The following SUPT6H variants were observed in gnomAD, a reference collection of about 807,000 sequenced individuals.
SUPT6H encodes transcription elongation factor SPT6.
A neutral mutation model predicts 222.3 loss-of-function variants in SUPT6H; 11 were observed. The ratio of observed to expected loss-of-function variants is 0.05; its 90% confidence interval spans 0.03 to 0.08. The LOEUF (loss-of-function observed/expected upper bound fraction) is 0.08, where lower values mean the gene tolerates loss of function less well. Among genes scored for constraint, SUPT6H ranks in the 10% least tolerant of loss-of-function variants. SUPT6H has a pLI of 1.00. For synonymous variants in SUPT6H, 762 were observed against 801.2 expected, an observed-to-expected ratio of 0.95 and a Z score of 0.83; for missense variants, 1,422 against 2,216.0, an observed-to-expected ratio of 0.64 and a Z score of 7.19.
chr17:28,667,407 A>ATATATATATG lies in SUPT6H; in HGVS notation c.-32+5074_-32+5075insGTATATATAT. 2.7e-5 allele frequency among the ~76,000 whole-genome samples: 2 copies of ATATATATATG among 75,346 alleles called. 1 individual carries two copies. Among genetic ancestry groups the ATATATATATG allele is most frequent in the South Asian group, 8.7e-4 (2 of 2,306 alleles). The allele number at this position is 75,346 out of a possible 152,430, so 49.4% of individuals were successfully genotyped here. On this transcript the variant is annotated intron_variant, in intron 1 of 36. Transcript: ENST00000314616. ...AAAAAAAAAAAAAGTGTGTGTGTGTATATATATATATATATATATATATAT... is the reference window on the plus strand; with the variant it reads ...AAAAAAAAAAAAAGTGTGTGTGTGTATATATATATGTATATATATATATATATATATATAT...
chr17:28,665,204 A>G (rs940216533), intron 1 of SUPT6H, among the ~76,000 whole-genome samples: 25 of 152,160 alleles, frequency 1.6e-4, no homozygotes, highest in African/African-American at 6.0e-4. Flanking sequence ...GCCTCAGGAC[A>G]TCACCTATTA....
chr17:28,665,364 A>G (rs1410667247), intron 1 of SUPT6H, among the ~76,000 whole-genome samples: 1 of 152,202 alleles, frequency 6.6e-6, no homozygotes, highest in Admixed American at 6.5e-5. Flanking sequence ...AGCAAGGTTT[A>G]TTTTATTTGT....
chr17:28,693,613 TACA>T, intron 27 of SUPT6H, 80 bp from the exon 28 acceptor site: 1 of 1,536,240 alleles, frequency 6.5e-7, no homozygotes. Flanking sequence ...TAAAAGAAAT[TACA>T]ACACCTCTGG....
chr17:28,699,739 T>G (rs1597722833), intron 32 of SUPT6H, 42 bp from the exon 33 acceptor site: 1 of 1,549,988 alleles, frequency 6.5e-7, no homozygotes, highest in Non-Finnish European at 8.9e-7. Context: ...TTGTGGTGGG[T>G]CCCAAGTGGT....
At chr17:28,700,041 G>T in intron 33 of SUPT6H, 132 bp from the exon 34 acceptor site, 2 of 1,434,530 alleles carry the variant, frequency 1.4e-6, no homozygotes, top group South Asian at 1.2e-5. Flanking sequence ...GCACCAGGAA[G>T]GTTCTCCATC....
chr17:28,677,963 A>G, intron 8 of SUPT6H, 113 bp from the exon 9 acceptor site: 2 of 1,359,704 alleles, frequency 1.5e-6, no homozygotes, highest in South Asian at 1.3e-5. Context: ...TGTATATGAG[A>G]AAAATTTTTT....
intron 33 of SUPT6H, 134 bp downstream of exon 33, chr17:28,700,027 C>T: frequency 2.9e-6 from 4 of 1,398,504 alleles, no homozygotes; most frequent in Non-Finnish European, 4.0e-6. Context: ...CCTGCAGCCT[C>T]CCAGCACCAG....
At chr17:28,684,484 C>T (rs1358252883) in intron 17 of SUPT6H, 102 bp from the exon 18 acceptor site, 2 of 1,385,422 alleles carry the variant, frequency 1.4e-6, no homozygotes, top group African/African-American at 2.8e-5. Context: ...GAGTACACAC[C>T]CTCGCACATG....
intron 29 of SUPT6H, 122 bp downstream of exon 29, chr17:28,695,669 G>A: frequency 8.7e-7 from 1 of 1,150,826 alleles, no homozygotes; most frequent in Non-Finnish European, 1.2e-6. Flanking sequence ...CAGCTTTGAG[G>A]TGCTAAGGCC....
chr17:28,688,112 C>T lies in SUPT6H; in HGVS notation c.3028C>T (p.Arg1010Trp), dbSNP rs757119341. 18 of 1,612,830 alleles carry T rather than the reference C, an allele frequency of 1.1e-5. No homozygotes were observed. Among genetic ancestry groups the T allele is most frequent in the African/African-American group, 2.7e-5 (2 of 74,818 alleles). ...LLKILKQNNT[R>W]LESRTQLVTM... ...CCAGATCCTGAAGCAGAACAACACC[C>T]GGCTCGAGAGCCGGACCCAGCTGGT... The change falls in exon 24 of 37, where the codon CGG (arginine) becomes TGG (tryptophan). Residue 1010 changes from arginine to tryptophan, a missense_variant. This residue lies in a region of SUPT6H where 294 missense variants were observed against 382.1 expected (regional missense o/e 0.77). Transcript: ENST00000314616. The surrounding 1 kb of genome is among the most constrained non-coding windows in gnomAD (Gnocchi z 4.3).
Position 28,674,413 on chromosome 17 carries a change from T to C in SUPT6H, c.240T>C (p.Asp80=). 1 of 1,613,744 alleles carries C rather than the reference T, an allele frequency of 6.2e-7. No homozygotes were observed. The highest frequency in any genetic ancestry group is 1.1e-5 in the South Asian group (1 of 91,040). Residue 80 remains aspartate, a synonymous_variant, in exon 3 of 37, where the codon GAT becomes GAC. Coordinates refer to ENST00000314616, the MANE Select transcript of SUPT6H (RefSeq NM_003170.5). The part of the protein sequence containing the change: ...DEGSDSGDSE[D]DVGHKKRKRT... ...GCAGTGACTCTGGTGATTCAGAAGA[T>C]GATGTTGGCCACAAGAAGAGAAAAC... is the stretch of plus-strand genomic sequence containing the variant.
At chr17:28,677,907 G>T (rs1389410284) in intron 8 of SUPT6H, 91 bp downstream of exon 8, 3 of 1,359,966 alleles carry the variant, frequency 2.2e-6, no homozygotes, top group Non-Finnish European at 3.1e-6. Context: ...ATACATCCGT[G>T]TGCCTGGTAT....
chr17:28,676,461 C>T, intron 7 of SUPT6H, 31 bp downstream of exon 7: 1 of 1,611,438 alleles, frequency 6.2e-7, no homozygotes, highest in African/African-American at 1.3e-5. Flanking sequence ...GCTCTTCTAC[C>T]AATCCATAAT....
At chr17:28,686,195 T>C (rs1037290038) in intron 19 of SUPT6H, 144 bp from the exon 20 acceptor site, 21 of 704,212 alleles carry the variant, frequency 3.0e-5, no homozygotes, top group Admixed American at 5.5e-5. Flanking sequence ...CAGGAAGAGG[T>C]GGGAATAGTT....
At chr17:28,680,448 A>G (rs1262830778) in intron 11 of SUPT6H, among the ~76,000 whole-genome samples, 1 of 151,606 alleles carries the variant, frequency 6.6e-6, no homozygotes, top group African/African-American at 2.4e-5. Flanking sequence ...AAATACAAAA[A>G]TTAGTCGGGT....
chr17:28,691,272 A>C, intron 27 of SUPT6H: 2 of 601,812 alleles, frequency 3.3e-6, no homozygotes, highest in Non-Finnish European at 5.5e-6. Flanking sequence ...CACGCCTATA[A>C]TCCTAGCACT....
rs1264433453 is a variant in SUPT6H at position 28,688,692 on chromosome 17, T to C, written c.3134+474T>C. ...CTATTGACCTCTTCCTCTCCAGAAG[T>C]TATCAACTCAGTCTTTGGAGGATCT... is the stretch of plus-strand genomic sequence containing the variant. On this transcript the variant is annotated intron_variant, in intron 24 of 36. Coordinates refer to ENST00000314616, the MANE Select transcript of SUPT6H (RefSeq NM_003170.5). This position sits in a 1 kb window ranked among gnomAD's most constrained non-coding sequence, Gnocchi z 4.3. The C allele has an allele frequency of 6.5e-6, 1 of 153,928 alleles. No homozygotes were observed. The highest frequency in any genetic ancestry group is 1.4e-5 in the Non-Finnish European group (1 of 69,356). 9.5% of individuals were successfully genotyped at this position (153,928 alleles called of 1,614,324 possible). A position where few individuals can be genotyped will look rare whatever the true frequency, so the allele number is the denominator to read the frequency against.
At chr17:28,695,607 GA>G (rs1213421437) in intron 29 of SUPT6H, 60 bp downstream of exon 29, 1 of 1,539,320 alleles carries the variant, frequency 6.5e-7, no homozygotes, top group African/African-American at 1.4e-5. Context: ...CCCAGTGCAG[GA>G]TTCAGGCCAC....
At chr17:28,687,998 G>A in intron 23 of SUPT6H, 93 bp from the exon 24 acceptor site, 1 of 1,390,974 alleles carries the variant, frequency 7.2e-7, no homozygotes. Flanking sequence ...GGGTGGGACA[G>A]AGTTTTTGTT....
Sources: allele counts gnomAD v4.1 joint callset (sites outside exome capture counted in the v4.1 genomes callset), GRCh38; gene constraint gnomAD v4.1.1; regional missense constraint gnomAD v4.1.1; non-coding constraint Gnocchi (gnomAD v3.1); transcripts MANE v1.5; gene names NCBI Gene and HGNC (gene_info 2026-07-23, HGNC 2026-07-21).